PDE11A: variants seen among roughly 807,000 people sequenced by gnomAD.
PDE11A encodes phosphodiesterase 11A.
A neutral mutation model predicts 100.5 loss-of-function variants in PDE11A; 100 were observed. That is an observed-to-expected ratio of 1.00 (90% CI 0.85 to 1.18). The LOEUF (loss-of-function observed/expected upper bound fraction) is 1.18, where lower values mean the gene tolerates loss of function less well. PDE11A is among the 50% of genes most tolerant of loss of function. The probability of loss-of-function intolerance (pLI) is 0.00; values close to 1 mark genes in which losing one functional copy is unlikely to be tolerated. For missense variants in PDE11A, 1,141 were observed against 1,152.6 expected, an observed-to-expected ratio of 0.99 and a Z score of 0.15; for synonymous variants, 381 against 420.8, an observed-to-expected ratio of 0.91 and a Z score of 1.16.
chr2:177,940,405 A>G (rs890850683), intron 2 of PDE11A, among the ~76,000 whole-genome samples: 11 of 152,218 alleles, frequency 7.2e-5, no homozygotes, highest in African/African-American at 1.9e-4. Context: ...GAAAAAGTAC[A>G]TGAAATGATA....
At chr2:177,997,594 A>G (rs1407921473) in intron 2 of PDE11A, 1 of 979,314 alleles carries the variant, frequency 1.0e-6, no homozygotes, top group Admixed American at 1.7e-5. Flanking sequence ...CTGGAGAGCT[A>G]AGTGAAGTTG....
chr2:177,970,542 A>C (rs1398693732), intron 2 of PDE11A, among the ~76,000 whole-genome samples: 1 of 151,998 alleles, frequency 6.6e-6, no homozygotes, highest in African/African-American at 2.4e-5. Context: ...TCAGGACACA[A>C]GCAGAGGAAG....
At chr2:177,784,875 T>G (rs1490161450) in intron 9 of PDE11A, among the ~76,000 whole-genome samples, 2 of 152,262 alleles carry the variant, frequency 1.3e-5, no homozygotes, top group Non-Finnish European at 2.9e-5. Context: ...GCCCTAGGCT[T>G]GTAGTCTGAA....
chr2:177,890,169 A>G (rs1470905187), intron 4 of PDE11A, among the ~76,000 whole-genome samples: 13 of 152,186 alleles, frequency 8.5e-5, no homozygotes, highest in Admixed American at 7.9e-4. Flanking sequence ...TTTTTGTGTA[A>G]TGAATTAGCC....
intron 4 of PDE11A, among the ~76,000 whole-genome samples, chr2:177,886,240 G>A (rs988018716): frequency 6.6e-6 from 1 of 152,200 alleles, no homozygotes; most frequent in Non-Finnish European, 1.5e-5. Flanking sequence ...AGCCAGCTAT[G>A]GAGCAATCTT....
At chr2:177,920,383 C>CA (rs199825902) in intron 2 of PDE11A, among the ~76,000 whole-genome samples, 16 of 150,850 alleles carry the variant, frequency 1.1e-4, no homozygotes, top group South Asian at 4.2e-4. Context: ...GGAAGTTTGC[C>CA]AAAAAGAAAC....
intron 12 of PDE11A, 62 bp downstream of exon 12, chr2:177,727,593 AAGG>A: frequency 1.1e-6 from 1 of 937,962 alleles, no homozygotes; most frequent in Non-Finnish European, 1.8e-6. Flanking sequence ...TGGAAATGTA[AAGG>A]AGAAGGCCTG....
intron 9 of PDE11A, among the ~76,000 whole-genome samples, chr2:177,793,030 A>G (rs2082654140): frequency 6.6e-6 from 1 of 152,174 alleles, no homozygotes; most frequent in Admixed American, 6.5e-5. Flanking sequence ...CTGGAAAATG[A>G]TAAAGAACCA....
At position 177,680,849 on chromosome 2, in the gene PDE11A, G is replaced by C. The variant is rs372901596; in HGVS notation, c.2400C>G (p.Ile800Met). The C allele has an allele frequency of 4.4e-6, 7 of 1,585,148 alleles. No homozygotes were observed. Among genetic ancestry groups the C allele is most frequent in the Non-Finnish European group, 1.7e-6 (2 of 1,154,788 alleles). Residue 800 changes from isoleucine (I) to methionine (M), a missense_variant, in exon 16 of 20, where the codon ATC becomes ATG. By Grantham distance (10) the Ile-to-Met change is conservative (BLOSUM62 1). Coordinates refer to ENST00000286063, the MANE Select transcript of PDE11A (RefSeq NM_016953.4). ...LVSKGEYDWN[I>M]KNHRDIFRSM... is the part of the protein sequence containing the mutation. ...ACCGAAATATATCACGATGGTTTTT[G>C]ATGTTCCAATCGTATTCTCCTTTAC...
chr2:177,779,234 T>A (rs1468390249), intron 9 of PDE11A, among the ~76,000 whole-genome samples: 2 of 152,224 alleles, frequency 1.3e-5, no homozygotes, highest in Non-Finnish European at 2.9e-5. Flanking sequence ...ATGCTAATGA[T>A]CATCTGAGCC....
chr2:177,956,060 G>A (rs1377498244), intron 2 of PDE11A, among the ~76,000 whole-genome samples: 4 of 152,030 alleles, frequency 2.6e-5, no homozygotes, highest in Non-Finnish European at 4.4e-5. Flanking sequence ...TTGACAAATG[G>A]GATCTAATTA....
intron 19 of PDE11A, among the ~76,000 whole-genome samples, chr2:177,634,632 C>G (rs1349314059): frequency 6.6e-6 from 1 of 152,170 alleles, no homozygotes; most frequent in Non-Finnish European, 1.5e-5. Context: ...TCGTGATCCC[C>G]CCGCCTCCGC....
chr2:178,096,098 C>A (rs1203169146), intron 2 of PDE11A, among the ~76,000 whole-genome samples: 1 of 152,090 alleles, frequency 6.6e-6, no homozygotes, highest in Non-Finnish European at 1.5e-5. Flanking sequence ...GCAATTAACT[C>A]CTTGTTACTT....
At chr2:177,820,439 AACTC>A (rs2083120658) in intron 6 of PDE11A, 144 bp from the exon 7 acceptor site, 2 of 627,210 alleles carry the variant, frequency 3.2e-6, no homozygotes, top group Non-Finnish European at 5.8e-6. Flanking sequence ...GTAATGCATA[AACTC>A]ACTCACCTGC....
At chr2:178,052,004 C>A (rs2086834838) in intron 1 of PDE11A, among the ~76,000 whole-genome samples, 1 of 152,066 alleles carries the variant, frequency 6.6e-6, no homozygotes, top group Non-Finnish European at 1.5e-5. Flanking sequence ...AGCTCTGCAC[C>A]AAGCAGACCT....
At chr2:177,722,175 C>T (rs557496552) in intron 12 of PDE11A, among the ~76,000 whole-genome samples, 3 of 152,256 alleles carry the variant, frequency 2.0e-5, no homozygotes, top group South Asian at 2.1e-4. Flanking sequence ...GCCCCAGCCT[C>T]GAAACCACAT....
At chr2:177,956,928 G>A (rs1006121798) in intron 2 of PDE11A, among the ~76,000 whole-genome samples, 3 of 152,064 alleles carry the variant, frequency 2.0e-5, no homozygotes, top group Non-Finnish European at 4.4e-5. Flanking sequence ...GGGAGGGATA[G>A]CATTTAGAGA....
At chr2:178,023,568 C>T (rs1379710060) in intron 1 of PDE11A, among the ~76,000 whole-genome samples, 1 of 152,168 alleles carries the variant, frequency 6.6e-6, no homozygotes, top group East Asian at 1.9e-4. Flanking sequence ...AAGAACTAAT[C>T]TTGACCAATG....
chr2:177,888,271 G>T (rs1027045489), intron 4 of PDE11A, among the ~76,000 whole-genome samples: 3 of 152,144 alleles, frequency 2.0e-5, no homozygotes, highest in Non-Finnish European at 4.4e-5. Flanking sequence ...CAGAAATTCA[G>T]ATAGATACTG....
Sources: allele counts gnomAD v4.1 joint callset (sites outside exome capture counted in the v4.1 genomes callset), GRCh38; gene constraint gnomAD v4.1.1; transcripts MANE v1.5; gene names NCBI Gene and HGNC (gene_info 2026-07-23, HGNC 2026-07-21).